The following SLC30A7 variants were observed in gnomAD, a reference collection of about 807,000 sequenced individuals.
The protein encoded by SLC30A7 is zinc transporter 7.
SLC30A7 carries 35 observed loss-of-function variants against 46.0 expected under a neutral mutation model. The observed-to-expected ratio is 0.76, with a 90% CI of 0.58 to 1.01. The LOEUF is 1.01. SLC30A7 is among the 50% of genes least tolerant of loss of function. SLC30A7 has a pLI of 0.00. For missense variants in SLC30A7, 464 were observed against 451.1 expected, an observed-to-expected ratio of 1.03 and a Z score of -0.26; for synonymous variants, 147 against 157.8, an observed-to-expected ratio of 0.93 and a Z score of 0.51.
At position 100,977,151 on chromosome 1, in the gene SLC30A7, A is replaced by G. The variant is rs1418940983; in HGVS notation, c.*2294A>G. On this transcript the variant is annotated 3_prime_UTR_variant, in exon 11 of 11. Transcript: ENST00000357650. The stretch of plus-strand genomic sequence containing the variant: ...GTGCCTTTAAAAACTGATTATGTAT[A>G]AATACTGATATTTCACATACGGAGA... 2.6e-5 allele frequency: 4 copies of G among 151,976 alleles called. No homozygotes were observed. Among genetic ancestry groups the G allele is most frequent in the Non-Finnish European group, 5.9e-5 (4 of 67,998 alleles). The allele number at this position is 151,976 out of a possible 1,614,324, so 9.4% of individuals were successfully genotyped here.
chr1:100,911,283 C>A (rs889488359), intron 4 of SLC30A7, 133 bp downstream of exon 4: 1 of 580,582 alleles, frequency 1.7e-6, no homozygotes, highest in Non-Finnish European at 2.9e-6. Flanking sequence ...TATGTGCGTA[C>A]AAGAGGAGCT....
chr1:100,903,076 G>C (rs191238311), intron 2 of SLC30A7, among the ~76,000 whole-genome samples: 41 of 152,050 alleles, frequency 2.7e-4, no homozygotes, highest in African/African-American at 9.9e-4. Flanking sequence ...AACACATTAA[G>C]AAATAAAAAC....
rs907731063 is a variant in SLC30A7 at position 100,975,002 on chromosome 1, A to G, written c.*145A>G. The G allele has an allele frequency of 9.6e-6, 5 of 518,192 alleles. No individual in the cohort carries two copies. The highest frequency in any genetic ancestry group is 7.1e-5 in the Admixed American group (2 of 28,172). 32.1% of individuals were successfully genotyped at this position (518,192 alleles called of 1,614,324 possible). A position where few individuals can be genotyped will look rare whatever the true frequency, so the allele number is the denominator to read the frequency against. On this transcript the variant is annotated 3_prime_UTR_variant, in exon 11 of 11. Transcript: ENST00000357650. ...GTAGACGGGGTAGAGTCAGCCGTTCATGCTTTGTGGGGAGTTCACAGCTAA... is the reference window on the plus strand; with the variant it reads ...GTAGACGGGGTAGAGTCAGCCGTTCGTGCTTTGTGGGGAGTTCACAGCTAA...
chr1:100,948,189 G>A (rs546858890), intron 8 of SLC30A7, among the ~76,000 whole-genome samples: 2 of 152,276 alleles, frequency 1.3e-5, no homozygotes, highest in South Asian at 2.1e-4. Flanking sequence ...GCTGGTGCTG[G>A]TTGTTCCTTT....
chr1:100,993,573 T>C, the SLC30A7 span, among the ~76,000 whole-genome samples: 4 of 84,298 alleles, frequency 4.7e-5, no homozygotes, highest in African/African-American at 1.7e-4. Flanking sequence ...TATATATATA[T>C]ATATATATAT....
chr1:100,921,950 CTTTTTT>C, intron 8 of SLC30A7, 109 bp downstream of exon 8: 175 of 397,826 alleles, frequency 4.4e-4, no homozygotes, highest in East Asian at 1.0e-3. Flanking sequence ...CCTTTGCTTG[CTTTTTT>C]TTTTTTTTTT....
chr1:100,901,516 G>C (rs1027677178), intron 2 of SLC30A7, among the ~76,000 whole-genome samples: 2 of 151,976 alleles, frequency 1.3e-5, no homozygotes, highest in African/African-American at 4.8e-5. Context: ...ATGCAGTGGC[G>C]CGATCTTGGC....
intron 8 of SLC30A7, among the ~76,000 whole-genome samples, chr1:100,958,134 GA>G (rs1432324346): frequency 6.6e-6 from 1 of 151,890 alleles, no homozygotes; most frequent in Non-Finnish European, 1.5e-5. Flanking sequence ...TACTGTTCCT[GA>G]AATGTTACAG....
At chr1:100,908,115 G>A (rs553465943) in intron 3 of SLC30A7, among the ~76,000 whole-genome samples, 67 of 150,912 alleles carry the variant, frequency 4.4e-4, no homozygotes, top group African/African-American at 1.5e-3. Context: ...CTCCCTTTCC[G>A]GTGCAGTTTC....
chr1:100,924,667 C>CA lies in SLC30A7; in HGVS notation c.842+2838dup, dbSNP rs574224940. Among the ~76,000 whole-genome samples the CA allele has an allele frequency of 3.7e-3, 294 of 79,190 alleles. 1 individual carries two copies. Among genetic ancestry groups the CA allele is most frequent in the Middle Eastern group, 8.9e-3 (1 of 112 alleles). The allele number at this position is 79,190 out of a possible 152,430, so 52.0% of individuals were successfully genotyped here. A position where few individuals can be genotyped will look rare whatever the true frequency, so the allele number is the denominator to read the frequency against. ...AAGTCAGCACCTAAATCTCCCTGGC[C>CA]AAAAAAAAAAAAGAAAAAAAAAATT... On this transcript the variant is annotated intron_variant, in intron 8 of 10. Transcript: ENST00000357650.
chr1:100,959,682 T>C (rs999694558), intron 8 of SLC30A7, among the ~76,000 whole-genome samples: 10 of 152,200 alleles, frequency 6.6e-5, no homozygotes, highest in Non-Finnish European at 4.4e-5. Flanking sequence ...GAGGAGGGTA[T>C]ACAAGACAGA....
chr1:100,973,330 T>C (rs372297632), intron 10 of SLC30A7, among the ~76,000 whole-genome samples: 25 of 152,156 alleles, frequency 1.6e-4, no homozygotes, highest in African/African-American at 5.5e-4. Context: ...AATATTCCAA[T>C]TTACCTTTTA....
At chr1:100,946,537 G>A (rs1038876303) in intron 8 of SLC30A7, among the ~76,000 whole-genome samples, 1 of 152,152 alleles carries the variant, frequency 6.6e-6, no homozygotes, top group Non-Finnish European at 1.5e-5. Context: ...CATCTTTTGA[G>A]ATAATCATGT....
At chr1:100,941,257 A>C (rs1654331461) in intron 8 of SLC30A7, 1 of 373,342 alleles carries the variant, frequency 2.7e-6, no homozygotes, top group South Asian at 2.3e-5. Context: ...TCCCACTGCC[A>C]CCATATCCAC....
chr1:100,982,381 G>A (rs935176649), downstream of SLC30A7, among the ~76,000 whole-genome samples: 2 of 152,046 alleles, frequency 1.3e-5, no homozygotes, highest in Admixed American at 6.6e-5. Context: ...TCCCTATTTC[G>A]TAGAAGTTGC....
At chr1:100,929,254 C>T (rs574749141) in intron 8 of SLC30A7, among the ~76,000 whole-genome samples, 1 of 152,018 alleles carries the variant, frequency 6.6e-6, no homozygotes, top group African/African-American at 2.4e-5. Flanking sequence ...ACATTTTTGA[C>T]TTAGACTTTA....
Position 100,913,701 on chromosome 1 carries a change from G to A in SLC30A7, c.550G>A (p.Asp184Asn). The change falls in exon 6 of 11, where the codon GAT becomes AAT. Residue 184 changes from aspartate to asparagine, a missense_variant. Physicochemically the swap from Asp to Asn is conservative, Grantham distance 23 (BLOSUM62 1). Coordinates refer to ENST00000357650, the MANE Select transcript of SLC30A7 (RefSeq NM_133496.5). Reference sequence around the variant, plus strand: ...TCATTCCCTCTTTAATGGTGCTCTAGATCAGGCACATGGCCATGTCGATCA... The same window carrying A: ...TCATTCCCTCTTTAATGGTGCTCTAAATCAGGCACATGGCCATGTCGATCA... Reference protein sequence around the residue: ...HSHSLFNGALDQAHGHVDHCH... With the variant: ...HSHSLFNGALNQAHGHVDHCH... The A allele has an allele frequency of 6.2e-7, 1 of 1,613,856 alleles. No individual in the cohort carries two copies. Among genetic ancestry groups the A allele is most frequent in the Non-Finnish European group, 8.5e-7 (1 of 1,179,836 alleles).
chr1:100,904,401 C>T (rs1651508515), intron 2 of SLC30A7, among the ~76,000 whole-genome samples: 1 of 152,092 alleles, frequency 6.6e-6, no homozygotes, highest in Non-Finnish European at 1.5e-5. Context: ...TACCAAATTC[C>T]CCACTGGTTC....
intron 2 of SLC30A7, among the ~76,000 whole-genome samples, chr1:100,896,997 A>T (rs1651011462): frequency 6.6e-6 from 1 of 151,494 alleles, no homozygotes; most frequent in Non-Finnish European, 1.5e-5. Context: ...CTTTGTTGGA[A>T]TTGGGAGAAA....
Sources: allele counts gnomAD v4.1 joint callset (sites outside exome capture counted in the v4.1 genomes callset), GRCh38; gene constraint gnomAD v4.1.1; transcripts MANE v1.5; gene names NCBI Gene and HGNC (gene_info 2026-07-23, HGNC 2026-07-21).